The following ADIPOR1 variants were observed in gnomAD, a reference collection of about 807,000 sequenced individuals.
The protein encoded by ADIPOR1 is adiponectin receptor protein 1.
Under a neutral mutation model 37.5 loss-of-function variants are expected in ADIPOR1, and 15 were observed. The observed-to-expected ratio is 0.40, with a 90% CI of 0.27 to 0.62. ADIPOR1 has a LOEUF of 0.62. Among genes scored for constraint, ADIPOR1 ranks in the 20% least tolerant of loss-of-function variants. ADIPOR1 has a pLI of 0.42. For synonymous variants in ADIPOR1, 173 were observed against 173.2 expected, an observed-to-expected ratio of 1.00 and a Z score of 0.01; for missense variants, 286 against 478.0, an observed-to-expected ratio of 0.60 and a Z score of 3.75.
intron 7 of ADIPOR1, 33 bp from the exon 8 acceptor site, chr1:202,941,734 T>C: frequency 6.3e-7 from 1 of 1,595,128 alleles, no homozygotes; most frequent in Non-Finnish European, 8.5e-7. Flanking sequence ...GCCTTTAGGA[T>C]AATGCAAGGA....
chr1:202,951,229 C>CTT (rs1654570714), intron 1 of ADIPOR1, 65 bp from the exon 2 acceptor site: 1 of 793,794 alleles, frequency 1.3e-6, no homozygotes, highest in African/African-American at 1.7e-5. Context: ...TTTCTATACT[C>CTT]TAATACTGAA....
At chr1:202,953,558 C>T (rs1208742682) in intron 1 of ADIPOR1, among the ~76,000 whole-genome samples, 2 of 152,078 alleles carry the variant, frequency 1.3e-5, no homozygotes, top group Admixed American at 1.3e-4. Flanking sequence ...TAGATAAGGG[C>T]TTATGTGCAT....
In ADIPOR1 at chr1:202,951,213, GTTTCA is replaced by G. The variant is rs147298966; in HGVS notation, c.-94-54_-94-50del. 5,116 of 950,418 alleles carry G rather than the reference GTTTCA, an allele frequency of 5.4e-3. 181 individuals carry two copies. In the African/African-American group the frequency reaches 0.075, roughly 14 times the overall value. The allele number at this position is 950,418 out of a possible 1,614,324, so 58.9% of individuals were successfully genotyped here. On this transcript the variant is annotated intron_variant, in intron 1 of 7. Transcript: ENST00000340990. The stretch of plus-strand genomic sequence containing the variant: ...GGATTGACAATTTATTCCTCTTACA[GTTTCA>G]TTTCTATACTCTAATACTGAATAAG...
At chr1:202,949,579 C>CAAAAA (rs57643319) in intron 2 of ADIPOR1, among the ~76,000 whole-genome samples, 1 of 99,120 alleles carries the variant, frequency 1.0e-5, no homozygotes, top group Non-Finnish European at 2.0e-5. Flanking sequence ...ACTCTGTCTC[C>CAAAAA]AAAAAAAAAA....
At chr1:202,943,009 C>A (rs1298771669) in intron 6 of ADIPOR1, among the ~76,000 whole-genome samples, 2 of 151,954 alleles carry the variant, frequency 1.3e-5, no homozygotes, top group Middle Eastern at 3.4e-3. Flanking sequence ...GCTGGAATTA[C>A]AGGCACCTGC....
At chr1:202,945,344 A>T (rs1654265964) in intron 4 of ADIPOR1, among the ~76,000 whole-genome samples, 175 bp from the exon 5 acceptor site, 1 of 152,270 alleles carries the variant, frequency 6.6e-6, no homozygotes, top group Admixed American at 6.5e-5. Flanking sequence ...ATTATTAAAA[A>T]GTCAAAAAAC....
chr1:202,951,120 GTC>G lies in ADIPOR1; in HGVS notation c.-52_-51del, dbSNP rs767575907. ...AGCTTCAGCTTGGGGAAAGGTTGGG[GTC>G]TCTCAGCCCCAGGGGGCAGAGATCT... On this transcript the variant is annotated 5_prime_UTR_variant, in exon 2 of 8. Coordinates refer to ENST00000340990, the MANE Select transcript of ADIPOR1 (RefSeq NM_015999.6). The G allele has an allele frequency of 5.0e-6, 8 of 1,610,738 alleles. 1 individual carries two copies. The Admixed American group carries it at 1.3e-4, about 27-fold the overall frequency.
intron 1 of ADIPOR1, among the ~76,000 whole-genome samples, chr1:202,951,436 T>C (rs1654577714): frequency 1.3e-5 from 2 of 152,152 alleles, no homozygotes; most frequent in African/African-American, 4.8e-5. Flanking sequence ...ACTGTCACCA[T>C]AGAAAAACAG....
intron 2 of ADIPOR1, among the ~76,000 whole-genome samples, chr1:202,950,398 A>G (rs1028098242): frequency 4.6e-5 from 7 of 152,058 alleles, no homozygotes; most frequent in Admixed American, 3.3e-4. Context: ...ACATGGCGAG[A>G]TCTTATCTCA....
intron 1 of ADIPOR1, among the ~76,000 whole-genome samples, chr1:202,952,369 A>C (rs577465972): frequency 6.6e-6 from 1 of 152,292 alleles, no homozygotes; most frequent in South Asian, 2.1e-4. Flanking sequence ...AGGGAGCCCC[A>C]ATCTTTTATA....
chr1:202,950,159 C>T (rs1040482943), intron 2 of ADIPOR1, among the ~76,000 whole-genome samples: 1 of 151,988 alleles, frequency 6.6e-6, no homozygotes, highest in Non-Finnish European at 1.5e-5. Context: ...GAGGGGGCTT[C>T]ACTATGTTGG....
In ADIPOR1 at chr1:202,951,130, C is replaced by T. The variant is rs181500248; in HGVS notation, c.-60G>A. 6,320 of 1,604,654 alleles carry T rather than the reference C, an allele frequency of 3.9e-3. 19 individuals are homozygous for T. The highest frequency in any genetic ancestry group is 5.0e-3 in the Non-Finnish European group (5,921 of 1,173,512). On this transcript the variant is annotated 5_prime_UTR_variant, in exon 2 of 8. Coordinates refer to ENST00000340990, the MANE Select transcript of ADIPOR1 (RefSeq NM_015999.6). The stretch of plus-strand genomic sequence containing the variant: ...TGGGGAAAGGTTGGGGTCTCTCAGC[C>T]CCAGGGGGCAGAGATCTCCCTCTGA...
At position 202,951,076 on chromosome 1, in the gene ADIPOR1, T is replaced by C; in HGVS notation, c.-6A>G. 1 of 1,614,126 alleles carries C rather than the reference T, an allele frequency of 6.2e-7. No homozygotes were observed. On this transcript the variant is annotated 5_prime_UTR_variant, in exon 2 of 8. Coordinates refer to ENST00000340990, the MANE Select transcript of ADIPOR1 (RefSeq NM_015999.6). ...GATCCTTTGTGGGAAGACATCTGGC[T>C]GGTACCTCAATACCCTGCAGCTTCA...
intron 1 of ADIPOR1, 128 bp downstream of exon 1, chr1:202,958,057 C>T (rs1654853474): frequency 2.0e-5 from 3 of 152,292 alleles, no homozygotes; most frequent in Admixed American, 2.0e-4. Flanking sequence ...GGCTGGGGCC[C>T]GAGCCCCCTG....
intron 1 of ADIPOR1, among the ~76,000 whole-genome samples, chr1:202,955,497 GT>G (rs1654747883): frequency 6.6e-6 from 1 of 151,174 alleles, no homozygotes; most frequent in Non-Finnish European, 1.5e-5. Flanking sequence ...CTGAAGAGGT[GT>G]TTTTGAGCCC....
At chr1:202,948,231 G>C (rs913764185) in intron 3 of ADIPOR1, 73 bp downstream of exon 3, 1 of 1,260,958 alleles carries the variant, frequency 7.9e-7, no homozygotes, top group African/African-American at 1.5e-5. Context: ...CCCAGTGCAA[G>C]CTTGCTGGCT....
chr1:202,942,319 A>G, intron 6 of ADIPOR1, 101 bp from the exon 7 acceptor site: 1 of 1,143,734 alleles, frequency 8.7e-7, no homozygotes, highest in Non-Finnish European at 1.2e-6. Flanking sequence ...ATAATTAGCT[A>G]TTTTTGGATG....
chr1:202,951,183 A>G lies in ADIPOR1; in HGVS notation c.-94-19T>C. On this transcript the variant is annotated intron_variant, in intron 1 of 7. Coordinates refer to ENST00000340990, the MANE Select transcript of ADIPOR1 (RefSeq NM_015999.6). ...GTAGACACTAAAAGAAAATACAAACATGAAGGATTGACAATTTATTCCTCT... is the reference window on the plus strand; with the variant it reads ...GTAGACACTAAAAGAAAATACAAACGTGAAGGATTGACAATTTATTCCTCT... 1 of 1,223,406 alleles carries G rather than the reference A, an allele frequency of 8.2e-7. No individual in the cohort carries two copies. The highest frequency in any genetic ancestry group is 1.5e-5 in the African/African-American group (1 of 66,088). The allele number at this position is 1,223,406 out of a possible 1,614,324, so 75.8% of individuals were successfully genotyped here.
rs538412808 is a variant in ADIPOR1, at chr1:202,945,024, G to A, written c.576C>T (p.Thr192=). 26 of 1,613,496 alleles carry A rather than the reference G, an allele frequency of 1.6e-5. No homozygotes were observed. Among genetic ancestry groups the A allele is most frequent in the East Asian group, 6.7e-5 (3 of 44,884 alleles). The change falls in exon 5 of 8, where the codon ACC becomes ACT. Residue 192 remains threonine, a synonymous_variant. Transcript: ENST00000340990. The part of the protein sequence containing the change: ...LCLSFSWLFH[T]VYCHSEKVSR... The stretch of plus-strand genomic sequence containing the variant: ...AGACTTTCTCTGAATGACAATAGAC[G>A]GTGTGAAAGAGCCAGGAGAAGCTGA...
Sources: allele counts gnomAD v4.1 joint callset (sites outside exome capture counted in the v4.1 genomes callset), GRCh38; gene constraint gnomAD v4.1.1; transcripts MANE v1.5; gene names NCBI Gene and HGNC (gene_info 2026-07-23, HGNC 2026-07-21).